ZC3H15: variants seen among roughly 807,000 people sequenced by gnomAD.
ZC3H15 encodes the protein zinc finger CCCH-type containing 15.
ZC3H15 carries 15 observed loss-of-function variants against 51.2 expected under a neutral mutation model. The observed-to-expected ratio is 0.29, with a 90% CI of 0.20 to 0.45. ZC3H15 has a LOEUF of 0.45. ZC3H15 is among the 20% of genes least tolerant of loss of function. The pLI is 1.00. For missense variants in ZC3H15, 381 were observed against 494.7 expected, an observed-to-expected ratio of 0.77 and a Z score of 2.18; for synonymous variants, 144 against 162.8, an observed-to-expected ratio of 0.88 and a Z score of 0.88.
intron 2 of ZC3H15, among the ~76,000 whole-genome samples, chr2:186,495,869 T>C (rs1435123160): frequency 6.6e-6 from 1 of 152,234 alleles, no homozygotes; most frequent in Non-Finnish European, 1.5e-5. Flanking sequence ...TAAAGTGATA[T>C]CTTATTGTTA....
intron 1 of ZC3H15, 93 bp downstream of exon 1, chr2:186,486,550 G>C: frequency 1.4e-6 from 2 of 1,384,800 alleles, no homozygotes; most frequent in East Asian, 2.6e-5. Flanking sequence ...TCGCTTCCTC[G>C]GGCCACGTGT....
intron 2 of ZC3H15, among the ~76,000 whole-genome samples, chr2:186,497,656 A>T (rs1685304614): frequency 6.6e-6 from 1 of 152,180 alleles, no homozygotes; most frequent in Non-Finnish European, 1.5e-5. Context: ...ATGTAAGAAG[A>T]ACTCACTTTC....
At chr2:186,496,876 G>C (rs1242578290) in intron 2 of ZC3H15, among the ~76,000 whole-genome samples, 1 of 152,160 alleles carries the variant, frequency 6.6e-6, no homozygotes, top group East Asian at 1.9e-4. Flanking sequence ...TGTCATATGT[G>C]GTCCCTCATT....
chr2:186,506,419 T>G (rs894637175), intron 8 of ZC3H15, among the ~76,000 whole-genome samples: 7 of 152,264 alleles, frequency 4.6e-5, no homozygotes, highest in African/African-American at 1.4e-4. Context: ...CTATTCTTTT[T>G]AAACGAAGTT....
chr2:186,502,270 C>G (rs879015649), intron 4 of ZC3H15, among the ~76,000 whole-genome samples: 11 of 151,924 alleles, frequency 7.2e-5, no homozygotes, highest in African/African-American at 2.7e-4. Flanking sequence ...AGGAATTGAT[C>G]GAGCTCAGTC....
chr2:186,490,678 TGC>T (rs1685181954), intron 1 of ZC3H15, among the ~76,000 whole-genome samples: 1 of 152,190 alleles, frequency 6.6e-6, no homozygotes, highest in African/African-American at 2.4e-5. Flanking sequence ...GCCCTTCCGC[TGC>T]TTCCCTTTTT....
intron 2 of ZC3H15, among the ~76,000 whole-genome samples, chr2:186,497,424 C>G (rs1467117692): frequency 6.6e-6 from 1 of 152,168 alleles, no homozygotes; most frequent in Admixed American, 6.5e-5. Flanking sequence ...GAGCTCACGC[C>G]TGTAATCCCA....
chr2:186,492,491 G>C (rs1198198750), intron 1 of ZC3H15, among the ~76,000 whole-genome samples: 1 of 152,118 alleles, frequency 6.6e-6, no homozygotes, highest in African/African-American at 2.4e-5. Context: ...TACCATGTTG[G>C]GATGTTAAAT....
chr2:186,506,460 T>C (rs1685468947), intron 8 of ZC3H15, among the ~76,000 whole-genome samples: 1 of 152,230 alleles, frequency 6.6e-6, no homozygotes. Flanking sequence ...ATAGATCTTT[T>C]GTTTTTGTTT....
intron 1 of ZC3H15, among the ~76,000 whole-genome samples, chr2:186,491,081 A>G (rs1685190536): frequency 6.6e-6 from 1 of 152,150 alleles, no homozygotes; most frequent in Non-Finnish European, 1.5e-5. Context: ...TCCAAATTGC[A>G]AATCATTCTG....
At chr2:186,490,903 T>C (rs1685187150) in intron 1 of ZC3H15, among the ~76,000 whole-genome samples, 1 of 152,212 alleles carries the variant, frequency 6.6e-6, no homozygotes, top group African/African-American at 2.4e-5. Context: ...TTTACTATCA[T>C]GTTAACTTTT....
chr2:186,492,045 G>A (rs951242813), intron 1 of ZC3H15, among the ~76,000 whole-genome samples: 4 of 151,926 alleles, frequency 2.6e-5, no homozygotes, highest in African/African-American at 9.7e-5. Flanking sequence ...GTCCCCTTAG[G>A]GGACATTTTT....
At chr2:186,499,068 A>G (rs1574424806) in intron 2 of ZC3H15, among the ~76,000 whole-genome samples, 1 of 152,300 alleles carries the variant, frequency 6.6e-6, no homozygotes, top group South Asian at 2.1e-4. Context: ...AACCATATAC[A>G]TGATAATCCT....
rs889267758 is a variant in ZC3H15, at chr2:186,486,590, C to T, written c.75+133C>T. ...CCCTTAGGCCTGTGTGGCCCACTGC[C>T]CCTTCTCCAGCCCCTGATGACGCTA... On this transcript the variant is annotated intron_variant, in intron 1 of 9. Coordinates refer to ENST00000337859, the MANE Select transcript of ZC3H15 (RefSeq NM_018471.3). 10 of 889,314 alleles carry T rather than the reference C, an allele frequency of 1.1e-5. No homozygotes were observed. The African/African-American group carries it at 1.2e-4, about 11-fold the overall frequency. 55.1% of individuals were successfully genotyped at this position (889,314 alleles called of 1,614,324 possible). A position where few individuals can be genotyped will look rare whatever the true frequency, so the allele number is the denominator to read the frequency against.
intron 8 of ZC3H15, 70 bp downstream of exon 8, chr2:186,505,911 G>A (rs569024015): frequency 2.0e-6 from 3 of 1,504,320 alleles, no homozygotes; most frequent in South Asian, 2.4e-5. Flanking sequence ...CCACAACATG[G>A]TTAAGAGCCA....
chr2:186,506,983 A>G, intron 9 of ZC3H15, 147 bp downstream of exon 9: 2 of 890,902 alleles, frequency 2.2e-6, no homozygotes, highest in South Asian at 2.0e-5. Context: ...AGTAATAAAT[A>G]GTGAAAGGCT....
intron 1 of ZC3H15, among the ~76,000 whole-genome samples, chr2:186,487,784 A>T (rs1447466453): frequency 1.3e-5 from 2 of 152,228 alleles, no homozygotes; most frequent in Non-Finnish European, 2.9e-5. Context: ...GATACGAAGT[A>T]AAACTCCCAT....
chr2:186,492,582 A>G (rs1685217448), intron 1 of ZC3H15, among the ~76,000 whole-genome samples: 1 of 152,242 alleles, frequency 6.6e-6, no homozygotes, highest in African/African-American at 2.4e-5. Flanking sequence ...ATATTTCCCA[A>G]TGAGAGATAA....
In ZC3H15 at chr2:186,500,173, A is replaced by G; in HGVS notation, c.178-9A>G. ...TCAAATTTACATTTTAAACCTGGGAATATTATAGGTAGCACAGAGTGAAGC... is the reference window on the plus strand; with the variant it reads ...TCAAATTTACATTTTAAACCTGGGAGTATTATAGGTAGCACAGAGTGAAGC... On this transcript the variant is annotated splice_polypyrimidine_tract_variant and intron_variant, in intron 2 of 9. Transcript: ENST00000337859. 1 of 1,586,056 alleles carries G rather than the reference A, an allele frequency of 6.3e-7. No individual in the cohort carries two copies. The highest frequency in any genetic ancestry group is 8.5e-7 in the Non-Finnish European group (1 of 1,172,236).
Sources: gnomAD v4.1 joint callset for allele counts (sites outside exome capture counted in the v4.1 genomes callset) on GRCh38, gnomAD v4.1.1 for gene constraint, MANE v1.5 for transcripts, NCBI Gene and HGNC (gene_info 2026-07-23, HGNC 2026-07-21) for gene names.